SRM: variants seen among roughly 807,000 people sequenced by gnomAD.
The protein encoded by SRM is putrescine aminopropyltransferase.
Under a neutral mutation model 39.3 loss-of-function variants are expected in SRM, and 14 were observed. The ratio of observed to expected loss-of-function variants is 0.36; its 90% confidence interval spans 0.24 to 0.56. SRM has a LOEUF of 0.56. Among genes scored for constraint, SRM ranks in the 20% least tolerant of loss-of-function variants. The pLI, the probability that SRM is intolerant of heterozygous loss-of-function variation, is 0.86. For missense variants in SRM, 244 were observed against 409.2 expected (o/e 0.60, Z 3.48); for synonymous variants, 195 against 173.1 (o/e 1.13, Z -0.99).
At chr1:11,059,371 C>CCTGG in intron 1 of SRM, 26 bp from the exon 2 acceptor site, 2 of 1,610,880 alleles carry the variant, frequency 1.2e-6, no homozygotes, top group Non-Finnish European at 1.7e-6. Context: ...CAGTCGGGGA[C>CCTGG]CTGGGTTCTC....
At chr1:11,057,259 C>G (rs1638895363) in intron 3 of SRM, among the ~76,000 whole-genome samples, 1 of 152,020 alleles carries the variant, frequency 6.6e-6, no homozygotes, top group Admixed American at 6.6e-5. Context: ...GCTCCTCTCT[C>G]CCATCCCTAC....
At position 11,054,790 on chromosome 1, in the gene SRM, G is replaced by A. The variant is rs1638838503; in HGVS notation, c.*75C>T. 1 of 1,526,804 alleles carries A rather than the reference G, an allele frequency of 6.5e-7. No homozygotes were observed. The highest frequency in any genetic ancestry group is 1.4e-5 in the African/African-American group (1 of 72,678). 94.6% of individuals were successfully genotyped at this position (1,526,804 alleles called of 1,614,324 possible). A position where few individuals can be genotyped will look rare whatever the true frequency, so the allele number is the denominator to read the frequency against. ...GAGAGCCAGCAGGAGGTCCGGCCCG[G>A]GGCTGGAGGGGCCGAGGCACCCCGC... On this transcript the variant is annotated 3_prime_UTR_variant, in exon 8 of 8. Coordinates refer to ENST00000376957, the MANE Select transcript of SRM (RefSeq NM_003132.3). The surrounding 1 kb of genome is among the most constrained non-coding windows in gnomAD (Gnocchi z 4.8).
Position 11,056,087 on chromosome 1 carries a change from G to A in SRM, c.543C>T (p.Ala181=), listed in dbSNP as rs377460308. The change falls in exon 5 of 8, where the codon GCC becomes GCT. Residue 181 remains alanine, a synonymous_variant. Coordinates refer to ENST00000376957, the MANE Select transcript of SRM (RefSeq NM_003132.3). ...AATAGGACTCCTTGAAGAGACTTTC[G>A]GCGGGGCCTGGGGAAGACAGAGGGA... ...ITDSSDPMGP[A]ESLFKESYYQ... The A allele has an allele frequency of 1.2e-5, 20 of 1,610,020 alleles. No individual in the cohort carries two copies. The highest frequency in any genetic ancestry group is 2.2e-5 in the East Asian group (1 of 44,852).
chr1:11,059,205 TC>T lies in SRM; in HGVS notation c.288+19del. On this transcript the variant is annotated intron_variant, in intron 2 of 7. Coordinates refer to ENST00000376957, the MANE Select transcript of SRM (RefSeq NM_003132.3). ...GGGGCCGCCCCTCGTCCGGCACTGT[TC>T]CAGGGGACACTGGGGTACCTTTCGC... 1 of 1,613,252 alleles carries T rather than the reference TC, an allele frequency of 6.2e-7. No individual in the cohort carries two copies. Among genetic ancestry groups the T allele is most frequent in the Non-Finnish European group, 8.5e-7 (1 of 1,179,912 alleles).
chr1:11,054,661 T>C lies in SRM; in HGVS notation c.*204A>G. 1 of 681,558 alleles carries C rather than the reference T, an allele frequency of 1.5e-6. No homozygotes were observed. Among genetic ancestry groups the C allele is most frequent in the East Asian group, 2.8e-5 (1 of 35,880 alleles). 42.2% of individuals were successfully genotyped at this position (681,558 alleles called of 1,614,324 possible). A position where few individuals can be genotyped will look rare whatever the true frequency, so the allele number is the denominator to read the frequency against. On this transcript the variant is annotated 3_prime_UTR_variant, in exon 8 of 8. Transcript: ENST00000376957. This position sits in a 1 kb window ranked among gnomAD's most constrained non-coding sequence, Gnocchi z 4.8. ...GAGAGATGGCGCTGTACACAGCTGG[T>C]ATAGGCTTGGAGGTGGAACGCCAGA...
intron 6 of SRM, 115 bp from the exon 7 acceptor site, chr1:11,055,199 C>A (rs1203014347): frequency 7.2e-7 from 1 of 1,386,290 alleles, no homozygotes; most frequent in Non-Finnish European, 9.5e-7. Flanking sequence ...CTCACTGCAA[C>A]CTCTGTCTCC....
chr1:11,059,245 TGCAGAGAGG>T lies in SRM; in HGVS notation c.259_267del (p.Pro87_Cys89del). The T allele has an allele frequency of 6.2e-7, 1 of 1,613,548 alleles. No homozygotes were observed. Among genetic ancestry groups the T allele is most frequent in the African/African-American group, 1.3e-5 (1 of 75,048 alleles). ...GGTACCTTTCGCGGGTTGGGGTGGC[TGCAGAGAGG>T]CAGGTTGGCGATCATCTCCTGGTAG... On this transcript the variant is annotated inframe_deletion, in exon 2 of 8. Transcript: ENST00000376957.
rs772594878 is a variant in SRM, at chr1:11,055,986, CCA to C, written c.619+23_619+24del. On this transcript the variant is annotated intron_variant, in intron 5 of 7. Coordinates refer to ENST00000376957, the MANE Select transcript of SRM (RefSeq NM_003132.3). ...CTGCCCTGCCCCACCCCGCCCCGCC[CCA>C]GTGCTCCAGGCCTGTGGCTCACCCT... 5.6e-6 allele frequency: 9 copies of C among 1,601,268 alleles called. No homozygotes were observed. The East Asian group carries it at 2.0e-4, about 36-fold the overall frequency.
chr1:11,059,337 T>C lies in SRM; in HGVS notation c.176A>G (p.Tyr59Cys). The change falls in exon 2 of 8, where the codon TAT (tyrosine) becomes TGT (cysteine). Residue 59 changes from tyrosine to cysteine, a missense_variant. Physicochemically the swap from Tyr to Cys is radical, Grantham distance 194. Transcript: ENST00000376957. ...ACCGTCCAACACCAGCACGTTGCCATAGGTCTTACTGCGGGCGGAGTGACA... is the reference window on the plus strand; with the variant it reads ...ACCGTCCAACACCAGCACGTTGCCACAGGTCTTACTGCGGGCGGAGTGACA... ...QDILVFRSKT[Y>C]GNVLVLDGVI... The C allele has an allele frequency of 6.2e-7, 1 of 1,613,622 alleles. No homozygotes were observed. Among genetic ancestry groups the C allele is most frequent in the South Asian group, 1.1e-5 (1 of 91,078 alleles).
At chr1:11,056,381 C>A (rs1638877977) in intron 4 of SRM, among the ~76,000 whole-genome samples, 1 of 152,234 alleles carries the variant, frequency 6.6e-6, no homozygotes, top group South Asian at 2.1e-4. Context: ...AATGCCAGAT[C>A]CCCACTCTCC....
rs1638882993 is a variant in SRM at position 11,056,641 on chromosome 1, G to A, written c.498C>T (p.Ala166=). 1.2e-6 allele frequency: 2 copies of A among 1,614,168 alleles called. No individual in the cohort carries two copies. Among genetic ancestry groups the A allele is most frequent in the East Asian group, 4.5e-5 (2 of 44,882 alleles). ...AGGAGTCAGTGATGATCACGTCGAA[G>A]GCATCCTGATTCTGTTTCATGAACT... ...GFEFMKQNQD[A]FDVIITDSSD... Residue 166 remains alanine (A), a synonymous_variant, in exon 4 of 8, where the codon GCC becomes GCT. Coordinates refer to ENST00000376957, the MANE Select transcript of SRM (RefSeq NM_003132.3).
rs753988553 is a variant in SRM at position 11,055,037 on chromosome 1, C to T, written c.813G>A (p.Val271=). The change falls in exon 7 of 8, where the codon GTG becomes GTA. Residue 271 remains valine, a synonymous_variant. Transcript: ENST00000376957. ...EPVQPLTQQQ[V]AQMQLKYYNS... ...TGTAGTACTTCAGCTGCATCTGCGCCACCTGCTGCTGTGTCAGCGGCTGCA... is the reference window on the plus strand; with the variant it reads ...TGTAGTACTTCAGCTGCATCTGCGCTACCTGCTGCTGTGTCAGCGGCTGCA... 9.9e-6 allele frequency: 16 copies of T among 1,612,498 alleles called. No homozygotes were observed. Among genetic ancestry groups the T allele is most frequent in the African/African-American group, 1.3e-5 (1 of 74,882 alleles).
intron 1 of SRM, 68 bp downstream of exon 1, chr1:11,059,709 C>T: frequency 2.7e-6 from 4 of 1,501,666 alleles, no homozygotes; most frequent in Non-Finnish European, 3.5e-6. Flanking sequence ...GTGGAGAGGC[C>T]CGTGAGGCGG....
At chr1:11,058,607 C>T (rs1228657932) in intron 3 of SRM, 193 bp downstream of exon 3, 5 of 460,698 alleles carry the variant, frequency 1.1e-5, no homozygotes, top group African/African-American at 6.1e-5. Flanking sequence ...AGTAAGAGCT[C>T]GCCACGCAGG....
At chr1:11,055,120 C>CTTTTT in intron 6 of SRM, 36 bp from the exon 7 acceptor site, 2 of 1,441,718 alleles carry the variant, frequency 1.4e-6, no homozygotes, top group Non-Finnish European at 9.1e-7. Context: ...AGGGGGGGCA[C>CTTTTT]TTTTTTTTTT....
chr1:11,055,307 C>CCATGTTGGTCAG, intron 6 of SRM: 1 of 557,514 alleles, frequency 1.8e-6, no homozygotes. Context: ...TGGGGTTTCT[C>CCATGTTGGTCAG]CATGTTGGTC....
At position 11,055,983 on chromosome 1, in the gene SRM, G is replaced by A. The variant is rs772465560; in HGVS notation, c.619+28C>T. On this transcript the variant is annotated intron_variant, in intron 5 of 7. Coordinates refer to ENST00000376957, the MANE Select transcript of SRM (RefSeq NM_003132.3). ...GGCCTGCCCTGCCCCACCCCGCCCC[G>A]CCCCAGTGCTCCAGGCCTGTGGCTC... The A allele has an allele frequency of 1.3e-5, 13 of 1,023,728 alleles. No individual in the cohort carries two copies. The highest frequency in any genetic ancestry group is 2.3e-4 in the Middle Eastern group (1 of 4,284). 63.4% of individuals were successfully genotyped at this position (1,023,728 alleles called of 1,614,324 possible). A position where few individuals can be genotyped will look rare whatever the true frequency, so the allele number is the denominator to read the frequency against.
At position 11,058,717 on chromosome 1, in the gene SRM, G is replaced by GC. The variant is rs759649371; in HGVS notation, c.381+82dup. On this transcript the variant is annotated intron_variant, in intron 3 of 7. Coordinates refer to ENST00000376957, the MANE Select transcript of SRM (RefSeq NM_003132.3). The stretch of plus-strand genomic sequence containing the variant: ...TGGAGAAACAGGCCCTACCTGCCTT[G>GC]CTCGGGGGTGTGCAGCCATTTCAGG... 7 of 1,250,090 alleles carry GC rather than the reference G, an allele frequency of 5.6e-6. No homozygotes were observed. In the African/African-American group the frequency reaches 1.0e-4, roughly 19 times the overall value. The allele number at this position is 1,250,090 out of a possible 1,614,324, so 77.4% of individuals were successfully genotyped here. A position where few individuals can be genotyped will look rare whatever the true frequency, so the allele number is the denominator to read the frequency against.
Position 11,054,745 on chromosome 1 carries a change from G to T in SRM, c.*120C>A, listed in dbSNP as rs1470566169. The stretch of plus-strand genomic sequence containing the variant: ...CAGGCCGGGCAGCATTCTGGGGCTT[G>T]TAACACTTGGTTGGTGGGCGAGAGC... On this transcript the variant is annotated 3_prime_UTR_variant, in exon 8 of 8. Transcript: ENST00000376957. The surrounding 1 kb of genome is among the most constrained non-coding windows in gnomAD (Gnocchi z 4.8). The T allele has an allele frequency of 4.3e-6, 6 of 1,406,096 alleles. No homozygotes were observed. Among genetic ancestry groups the T allele is most frequent in the Non-Finnish European group, 5.7e-6 (6 of 1,054,868 alleles). 87.1% of individuals were successfully genotyped at this position (1,406,096 alleles called of 1,614,324 possible).
Sources: allele counts gnomAD v4.1 joint callset (sites outside exome capture counted in the v4.1 genomes callset), GRCh38; gene constraint gnomAD v4.1.1; non-coding constraint Gnocchi (gnomAD v3.1); transcripts MANE v1.5; gene names NCBI Gene and HGNC (gene_info 2026-07-23, HGNC 2026-07-21).